Variants in COL6A3 observed in about 807,000 individuals in gnomAD.
COL6A3 encodes the protein collagen type VI alpha 3 chain, also known as collagen alpha-3(VI) chain.
A neutral mutation model predicts 274.1 loss-of-function variants in COL6A3; 137 were observed. The observed-to-expected ratio is 0.50, with a 90% CI of 0.44 to 0.58. The LOEUF is 0.58. COL6A3 is among the 20% of genes least tolerant of loss of function. The pLI, the probability that COL6A3 is intolerant of heterozygous loss-of-function variation, is 0.00. For synonymous variants in COL6A3, 1,650 were observed against 1,650.6 expected (o/e 1.00, Z 0.01); for missense variants, 3,950 against 4,124.9 (o/e 0.96, Z 1.16).
At position 237,328,462 on chromosome 2, in the gene COL6A3, T is replaced by G. The variant is rs1469701606; in HGVS notation, c.9329-2738A>C. 4 of 152,350 alleles carry G rather than the reference T, an allele frequency of 2.6e-5. No individual in the cohort carries two copies. The East Asian group carries it at 7.7e-4, about 29-fold the overall frequency. The allele number at this position is 152,350 out of a possible 1,614,324, so 9.4% of individuals were successfully genotyped here. On this transcript the variant is annotated intron_variant, in intron 42 of 43. Transcript: ENST00000295550. ...TGCAGGAGTGGATGTGCATGTGCGA[T>G]GCATGCACCTTCCCACAAGCAATAA...
In COL6A3 at chr2:237,372,276, C is replaced by G. The variant is rs577927810; in HGVS notation, c.3741G>C (p.Glu1247Asp). The change falls in exon 9 of 44, where the codon GAG becomes GAC. Residue 1247 changes from glutamate to aspartate, a missense_variant. Around this residue, in one of 5 missense-constraint regions of COL6A3, gnomAD observed 1,934 missense variants for 1,984.3 expected, o/e 0.97. Transcript: ENST00000295550. ...LIDGSQSAGP[E>D]FQYVRTLIER... Reference sequence around the variant, plus strand: ...CTATGAGGGTGCGAACGTACTGGAACTCAGGCCCGGCACTTTGGGACCCAT... The same window carrying G: ...CTATGAGGGTGCGAACGTACTGGAAGTCAGGCCCGGCACTTTGGGACCCAT... 31 of 1,613,304 alleles carry G rather than the reference C, an allele frequency of 1.9e-5. No individual in the cohort carries two copies. In the Admixed American group the frequency reaches 2.0e-4, roughly 10 times the overall value.
intron 12 of COL6A3, among the ~76,000 whole-genome samples, chr2:237,365,328 A>G (rs182126818): frequency 1.5e-4 from 23 of 152,100 alleles, no homozygotes; most frequent in Admixed American, 1.2e-3. Flanking sequence ...GCAAACTCAC[A>G]TGGTGTGTGT....
At chr2:237,372,835 G>A (rs975192226) in intron 8 of COL6A3, among the ~76,000 whole-genome samples, 3 of 152,180 alleles carry the variant, frequency 2.0e-5, no homozygotes, top group East Asian at 1.9e-4. Context: ...CAGAGAGGGT[G>A]TTTAAGAGAG....
intron 1 of COL6A3, 133 bp from the exon 2 acceptor site, chr2:237,396,980 C>G (rs1438423332): frequency 6.0e-6 from 4 of 663,550 alleles, no homozygotes; most frequent in African/African-American, 1.8e-5. Context: ...TTCTTTGAAC[C>G]AGCAGCAAAA....
chr2:237,331,606 C>A (rs1336593451), intron 42 of COL6A3, among the ~76,000 whole-genome samples: 1 of 152,068 alleles, frequency 6.6e-6, no homozygotes, highest in Non-Finnish European at 1.5e-5. Flanking sequence ...AATGCCATAA[C>A]TGTGTGTACA....
Position 237,381,245 on chromosome 2 carries a change from G to C in COL6A3, c.1567C>G (p.Leu523Val). 6.2e-7 allele frequency: 1 copy of C among 1,614,248 alleles called. No individual in the cohort carries two copies. Among genetic ancestry groups the C allele is most frequent in the Non-Finnish European group, 8.5e-7 (1 of 1,180,050 alleles). Residue 523 changes from leucine (L) to valine (V), a missense_variant, in exon 5 of 44, where the codon CTG (leucine) becomes GTG (valine). Physicochemically the swap from Leu to Val is conservative, Grantham distance 32 (BLOSUM62 1). Coordinates refer to ENST00000295550, the MANE Select transcript of COL6A3 (RefSeq NM_004369.4). ...RKMKPLDGSA[L>V]YTGSALDFVR... ...AAGTCTAGAGCAGAGCCCGTGTACA[G>C]GGCCGAGCCGTCCAGGGGCTTCATT...
At chr2:237,346,319 C>T (rs949627932) in intron 32 of COL6A3, among the ~76,000 whole-genome samples, 184 bp downstream of exon 32, 2 of 152,156 alleles carry the variant, frequency 1.3e-5, no homozygotes, top group Non-Finnish European at 2.9e-5. Context: ...TTTAAAGTTT[C>T]TTGTTACTCT....
intron 3 of COL6A3, among the ~76,000 whole-genome samples, chr2:237,393,049 CT>C (rs1160193866): frequency 1.3e-5 from 2 of 152,228 alleles, no homozygotes; most frequent in African/African-American, 4.8e-5. Context: ...CATTCCAGCT[CT>C]CATTAGCTCC....
rs779126378 is a variant in COL6A3 at position 237,394,886 on chromosome 2, C to T, written c.410G>A (p.Arg137Gln). 9.3e-6 allele frequency: 15 copies of T among 1,611,448 alleles called. No individual in the cohort carries two copies. The highest frequency in any genetic ancestry group is 4.5e-5 in the East Asian group (2 of 44,850). ...AACCTGAGGGACTCCGTCACCGGCCCGGCTTCCAGCAGCCTTGGTGAGGTG... is the reference window on the plus strand; with the variant it reads ...AACCTGAGGGACTCCGTCACCGGCCTGGCTTCCAGCAGCCTTGGTGAGGTG... Reference protein sequence around the residue: ...QSHLTKAAGSRAGDGVPQVIV... With the variant: ...QSHLTKAAGSQAGDGVPQVIV... Residue 137 changes from arginine to glutamine, a missense_variant, in exon 3 of 44, where the codon CGG becomes CAG. This residue lies in a region of COL6A3 where 1,934 missense variants were observed against 1,984.3 expected (regional missense o/e 0.97). Transcript: ENST00000295550.
intron 4 of COL6A3, among the ~76,000 whole-genome samples, chr2:237,383,546 C>T (rs1347725877): frequency 5.3e-5 from 8 of 151,734 alleles, no homozygotes; most frequent in Admixed American, 4.6e-4. Context: ...TATAGATACA[C>T]ACATACACGT....
rs1383544146 is a variant in COL6A3, at chr2:237,342,250, C to T, written c.7669-89G>A. ...GCAGAGGAGTAAATCAAAGCTACATCAATAAAATAGATTAACTTCCCAATA... is the reference window on the plus strand; with the variant it reads ...GCAGAGGAGTAAATCAAAGCTACATTAATAAAATAGATTAACTTCCCAATA... On this transcript the variant is annotated intron_variant, in intron 36 of 43. Transcript: ENST00000295550. The T allele has an allele frequency of 5.0e-6, 5 of 1,006,418 alleles. No individual in the cohort carries two copies. In the African/African-American group the frequency reaches 8.0e-5, roughly 16 times the overall value. 62.3% of individuals were successfully genotyped at this position (1,006,418 alleles called of 1,614,324 possible). A position where few individuals can be genotyped will look rare whatever the true frequency, so the allele number is the denominator to read the frequency against.
intron 37 of COL6A3, 67 bp from the exon 38 acceptor site, chr2:237,341,217 T>C: frequency 6.9e-7 from 1 of 1,447,802 alleles, no homozygotes. Flanking sequence ...CTCATCAATC[T>C]GCTGGGAGAC....
rs1356934165 is a variant in COL6A3 at position 237,377,350 on chromosome 2, A to G, written c.2498-6T>C. The stretch of plus-strand genomic sequence containing the variant: ...CAGAATGTCTCGCTTGCTCTCTGCA[A>G]TGAAGGTAGATTAGGATACAATGAG... On this transcript the variant is annotated splice_polypyrimidine_tract_variant and splice_region_variant and intron_variant, in intron 6 of 43. Coordinates refer to ENST00000295550, the MANE Select transcript of COL6A3 (RefSeq NM_004369.4). The G allele has an allele frequency of 1.9e-6, 3 of 1,599,640 alleles. No individual in the cohort carries two copies. The highest frequency in any genetic ancestry group is 4.5e-5 in the East Asian group (2 of 44,876).
intron 11 of COL6A3, 124 bp downstream of exon 11, chr2:237,366,563 T>C (rs1169396284): frequency 1.5e-5 from 21 of 1,427,772 alleles, no homozygotes; most frequent in African/African-American, 2.8e-5. Flanking sequence ...CCAGTGGGTA[T>C]AAGTAAATGT....
chr2:237,378,748 CA>C lies in COL6A3; in HGVS notation c.2384del (p.Leu795ArgfsTer18), dbSNP rs1169678155. The part of the protein sequence containing the change: ...ELEQIAFNPS[L>X]VYLMDDFSSL... ...AGCTGAAATCATCCATGAGATACAC[CA>C]GGCTTGGGTTAAAAGCAATCTGCTC... On this transcript the variant is annotated frameshift_variant, in exon 6 of 44. Transcript: ENST00000295550. LOFTEE classifies it high-confidence loss of function. The C allele has an allele frequency of 1.2e-6, 2 of 1,614,050 alleles. No homozygotes were observed. The highest frequency in any genetic ancestry group is 1.7e-6 in the Non-Finnish European group (2 of 1,180,050).
In COL6A3 at chr2:237,387,838, G is replaced by A. The variant is rs78365682; in HGVS notation, c.1056C>T (p.Leu352=). ...CGTCACTAGAAGGCCCGGCACTTAT[G>A]AGGACCAGCACCTGGGGAACCCCTT... is the stretch of plus-strand genomic sequence containing the variant. ...VEEGVPQVLV[L]ISAGPSSDEI... Residue 352 remains leucine (L), a synonymous_variant, in exon 4 of 44, where the codon CTC becomes CTT. Coordinates refer to ENST00000295550, the MANE Select transcript of COL6A3 (RefSeq NM_004369.4). 7.0e-5 allele frequency: 113 copies of A among 1,614,180 alleles called. No individual in the cohort carries two copies. The African/African-American group carries it at 1.2e-3, about 17-fold the overall frequency.
chr2:237,366,126 G>T, intron 11 of COL6A3, 91 bp from the exon 12 acceptor site: 1 of 1,148,686 alleles, frequency 8.7e-7, no homozygotes, highest in Non-Finnish European at 1.3e-6. Flanking sequence ...CCCAGGCAGA[G>T]GACCAGGGCA....
chr2:237,361,833 T>C lies in COL6A3; in HGVS notation c.6064-2A>G, dbSNP rs1553554384. The C allele has an allele frequency of 1.2e-6, 2 of 1,613,788 alleles. No homozygotes were observed. Among genetic ancestry groups the C allele is most frequent in the East Asian group, 2.2e-5 (1 of 44,868 alleles). On this transcript the variant is annotated splice_acceptor_variant, in intron 14 of 43. Coordinates refer to ENST00000295550, the MANE Select transcript of COL6A3 (RefSeq NM_004369.4). LOFTEE classifies it high-confidence loss of function. This position sits in a 1 kb window ranked among gnomAD's most constrained non-coding sequence, Gnocchi z 5.1. Reference sequence around the variant, plus strand: ...GCAAGCTTTCTCGGCAATGTTGTCCTACCGAAAGGAAGAGAAACCAAATGT... The same window carrying C: ...GCAAGCTTTCTCGGCAATGTTGTCCCACCGAAAGGAAGAGAAACCAAATGT...
chr2:237,403,705 T>A (rs1303361551), intron 1 of COL6A3, among the ~76,000 whole-genome samples: 2 of 152,122 alleles, frequency 1.3e-5, no homozygotes, highest in African/African-American at 2.4e-5. Context: ...CCAGTGCTTG[T>A]GCTGTGGTTT....
Sources: allele counts gnomAD v4.1 joint callset (sites outside exome capture counted in the v4.1 genomes callset), GRCh38; gene constraint gnomAD v4.1.1; regional missense constraint gnomAD v4.1.1; non-coding constraint Gnocchi (gnomAD v3.1); transcripts MANE v1.5; gene names NCBI Gene and HGNC (gene_info 2026-07-23, HGNC 2026-07-21).